TAOK3: variants seen among roughly 807,000 people sequenced by gnomAD.
TAOK3 encodes the protein serine/threonine-protein kinase TAO3.
A neutral mutation model predicts 120.4 loss-of-function variants in TAOK3; 40 were observed. The observed-to-expected ratio is 0.33, with a 90% CI of 0.26 to 0.43. TAOK3 has a LOEUF of 0.43. TAOK3 is among the 20% of genes least tolerant of loss of function. The pLI is 1.00. For missense variants in TAOK3, 821 were observed against 1,112.1 expected (o/e 0.74, Z 3.72); for synonymous variants, 355 against 387.5 (o/e 0.92, Z 0.99).
At chr12:118,211,291 G>A (rs1288907309) in intron 11 of TAOK3, among the ~76,000 whole-genome samples, 1 of 152,062 alleles carries the variant, frequency 6.6e-6, no homozygotes, top group Admixed American at 6.6e-5. Flanking sequence ...TCCTCCATGT[G>A]TTTTGTTTTC....
At chr12:118,252,197 T>C (rs560471800) in intron 3 of TAOK3, among the ~76,000 whole-genome samples, 1 of 152,152 alleles carries the variant, frequency 6.6e-6, no homozygotes, top group African/African-American at 2.4e-5. Flanking sequence ...TGAATTAGAT[T>C]TAAAATAATA....
At chr12:118,268,315 A>G (rs752069650) in intron 1 of TAOK3, among the ~76,000 whole-genome samples, 1 of 152,244 alleles carries the variant, frequency 6.6e-6, no homozygotes, top group Non-Finnish European at 1.5e-5. Flanking sequence ...GTCAAAGAAT[A>G]TAACAATTTA....
chr12:118,236,901 T>C lies in TAOK3; in HGVS notation c.437+1172A>G, dbSNP rs1163403296. The stretch of plus-strand genomic sequence containing the variant: ...ACATACTAAAGAAGATAAAGCATAA[T>C]ACAGACTAAAACATTAAGTTAATGT... On this transcript the variant is annotated intron_variant, in intron 7 of 20. Coordinates refer to ENST00000392533, the MANE Select transcript of TAOK3 (RefSeq NM_016281.4). Among the ~76,000 whole-genome samples the C allele has an allele frequency of 3.3e-5, 5 of 152,236 alleles. No individual in the cohort carries two copies. In the East Asian group the frequency reaches 5.8e-4, roughly 18 times the overall value.
intron 1 of TAOK3, among the ~76,000 whole-genome samples, chr12:118,275,637 T>G (rs2041876245): frequency 6.6e-6 from 1 of 152,254 alleles, no homozygotes; most frequent in Non-Finnish European, 1.5e-5. Context: ...TTTACTCATT[T>G]ATTCATGTAT....
intron 1 of TAOK3, among the ~76,000 whole-genome samples, chr12:118,309,191 T>TG (rs925082991): frequency 7.3e-5 from 11 of 151,556 alleles, no homozygotes; most frequent in Non-Finnish European, 1.2e-4. Context: ...AAGCTGGGCG[T>TG]GGTGCTGCAT....
intron 11 of TAOK3, among the ~76,000 whole-genome samples, chr12:118,210,480 T>A (rs1593168670): frequency 6.6e-6 from 1 of 152,228 alleles, no homozygotes; most frequent in African/African-American, 2.4e-5. Flanking sequence ...AAAATAAACT[T>A]TTTCAGTCTG....
At chr12:118,216,971 GA>G (rs1486503224) in intron 9 of TAOK3, among the ~76,000 whole-genome samples, 1 of 149,756 alleles carries the variant, frequency 6.7e-6, no homozygotes, top group African/African-American at 2.5e-5. Flanking sequence ...AAGAGAAGAA[GA>G]AGATAAATCA....
chr12:118,323,607 G>C (rs2140965677), intron 1 of TAOK3, among the ~76,000 whole-genome samples: 1 of 152,284 alleles, frequency 6.6e-6, no homozygotes, highest in Non-Finnish European at 1.5e-5. Flanking sequence ...AGCTTCAGCA[G>C]AGGTGCAGAG....
chr12:118,151,271 C>T (rs74854713), intron 20 of TAOK3, 113 bp from the exon 21 acceptor site: 1 of 998,114 alleles, frequency 1.0e-6, no homozygotes, highest in African/African-American at 1.8e-5. Context: ...TAGGCACACA[C>T]ATGAAGTGCG....
chr12:118,348,177 T>G (rs759479332), intron 1 of TAOK3, among the ~76,000 whole-genome samples: 3 of 152,204 alleles, frequency 2.0e-5, no homozygotes, highest in Non-Finnish European at 4.4e-5. Flanking sequence ...CCCATCTCCC[T>G]AGTACGGAAG....
chr12:118,307,731 G>A (rs555637161), intron 1 of TAOK3, among the ~76,000 whole-genome samples: 7 of 152,172 alleles, frequency 4.6e-5, no homozygotes, highest in South Asian at 4.2e-4. Flanking sequence ...ATGAAGTTCC[G>A]GAAGTTCTTT....
In TAOK3 at chr12:118,357,835, G is replaced by A. The variant is rs540291748; in HGVS notation, c.-194+14813C>T. Among the ~76,000 whole-genome samples the A allele has an allele frequency of 1.6e-3, 238 of 152,226 alleles. 1 individual carries two copies. The highest frequency in any genetic ancestry group is 5.3e-3 in the African/African-American group (219 of 41,542). Reference sequence around the variant, plus strand: ...GTTTTAAACATGCATAAATCTTAAGGAAAAAGAACGTGCTATATGACATCA... The same window carrying A: ...GTTTTAAACATGCATAAATCTTAAGAAAAAAGAACGTGCTATATGACATCA... On this transcript the variant is annotated intron_variant, in intron 1 of 20. Coordinates refer to ENST00000392533, the MANE Select transcript of TAOK3 (RefSeq NM_016281.4).
rs542338536 is a variant in TAOK3, at chr12:118,179,690, G to C, written c.1566+1681C>G. Among the ~76,000 whole-genome samples, 12 of 150,066 alleles carry C rather than the reference G, an allele frequency of 8.0e-5. No individual in the cohort carries two copies. In the East Asian group the frequency reaches 2.3e-3, roughly 29 times the overall value. On this transcript the variant is annotated intron_variant, in intron 15 of 20. Coordinates refer to ENST00000392533, the MANE Select transcript of TAOK3 (RefSeq NM_016281.4). ...TCGGAGTCTTGTTCTTGTTGCCCAGGCTGGAATGCAATGGCGTGACCTCGG... is the reference window on the plus strand; with the variant it reads ...TCGGAGTCTTGTTCTTGTTGCCCAGCCTGGAATGCAATGGCGTGACCTCGG...
intron 1 of TAOK3, among the ~76,000 whole-genome samples, chr12:118,360,890 T>G (rs2045575893): frequency 6.6e-6 from 1 of 152,178 alleles, no homozygotes; most frequent in Admixed American, 6.5e-5. Flanking sequence ...ACAAAAGTAG[T>G]GTTCTTTATG....
At chr12:118,348,404 C>T (rs950175485) in intron 1 of TAOK3, among the ~76,000 whole-genome samples, 1 of 152,170 alleles carries the variant, frequency 6.6e-6, no homozygotes, top group African/African-American at 2.4e-5. Flanking sequence ...ACTTGTCCAG[C>T]CTCTGAGCTA....
At chr12:118,306,627 C>T (rs1160769457) in intron 1 of TAOK3, among the ~76,000 whole-genome samples, 1 of 152,186 alleles carries the variant, frequency 6.6e-6, no homozygotes, top group Non-Finnish European at 1.5e-5. Flanking sequence ...TAACATAGAT[C>T]TGTCCTTACT....
chr12:118,243,660 G>C, intron 4 of TAOK3, 144 bp from the exon 5 acceptor site: 1 of 450,438 alleles, frequency 2.2e-6, no homozygotes. Flanking sequence ...ATTTAAACAT[G>C]CTATTTCTTT....
At chr12:118,363,737 T>A (rs945938625) in intron 1 of TAOK3, among the ~76,000 whole-genome samples, 7 of 150,226 alleles carry the variant, frequency 4.7e-5, no homozygotes, top group Non-Finnish European at 1.0e-4. Flanking sequence ...AGTGTGTGTG[T>A]GTGTGTGTGT....
chr12:118,364,919 C>T (rs969290401), intron 1 of TAOK3, among the ~76,000 whole-genome samples: 1 of 152,144 alleles, frequency 6.6e-6, no homozygotes, highest in African/African-American at 2.4e-5. Flanking sequence ...ACATAATAAA[C>T]AGCTACCATT....
Sources: gnomAD v4.1 joint callset for allele counts (sites outside exome capture counted in the v4.1 genomes callset) on GRCh38, gnomAD v4.1.1 for gene constraint, MANE v1.5 for transcripts, NCBI Gene and HGNC (gene_info 2026-07-23, HGNC 2026-07-21) for gene names.